The following BFSP1 variants were observed in gnomAD, a reference collection of about 807,000 sequenced individuals.
The protein encoded by BFSP1 is filensin.
BFSP1 carries 38 observed loss-of-function variants against 43.9 expected under a neutral mutation model. The observed-to-expected ratio is 0.87, with a 90% CI of 0.67 to 1.14. BFSP1 has a LOEUF of 1.14. Among genes scored for constraint, BFSP1 ranks in the 50% most tolerant of loss-of-function variants. The probability of loss-of-function intolerance (pLI) is 0.00; values close to 1 mark genes in which losing one functional copy is unlikely to be tolerated. For synonymous variants in BFSP1, 352 were observed against 354.8 expected (o/e 0.99, Z 0.09); for missense variants, 850 against 875.1 (o/e 0.97, Z 0.36).
chr20:17,514,880 G>T, intron 2 of BFSP1, 64 bp from the exon 3 acceptor site: 1 of 1,457,376 alleles, frequency 6.9e-7, no homozygotes, highest in Non-Finnish European at 9.6e-7. Context: ...AAGCTGGCCG[G>T]GTATATGAGC....
chr20:17,542,898 T>C (rs766357456), intron 1 of BFSP1, among the ~76,000 whole-genome samples: 5 of 152,218 alleles, frequency 3.3e-5, no homozygotes, highest in Non-Finnish European at 7.3e-5. Context: ...TAAAATGCCT[T>C]CCAAAATTTT....
chr20:17,537,841 G>C (rs996649385), intron 1 of BFSP1, among the ~76,000 whole-genome samples: 1 of 152,000 alleles, frequency 6.6e-6, no homozygotes, highest in Admixed American at 6.6e-5. Context: ...ACCTTGGCTG[G>C]GTGCTGTGGC....
chr20:17,545,557 C>G (rs1202047844), intron 1 of BFSP1, among the ~76,000 whole-genome samples: 1 of 152,154 alleles, frequency 6.6e-6, no homozygotes, highest in Non-Finnish European at 1.5e-5. Flanking sequence ...CTAAGACAGC[C>G]AGAGTGAAAA....
chr20:17,509,810 T>C (rs943461455), intron 4 of BFSP1, among the ~76,000 whole-genome samples: 1 of 152,182 alleles, frequency 6.6e-6, no homozygotes, highest in African/African-American at 2.4e-5. Flanking sequence ...CTCTCCACAC[T>C]CTGCCAAGCA....
At chr20:17,502,633 G>C (rs983181841) in intron 5 of BFSP1, among the ~76,000 whole-genome samples, 1 of 152,042 alleles carries the variant, frequency 6.6e-6, no homozygotes. Flanking sequence ...TTGGGTGAGG[G>C]GTATATATTG....
At chr20:17,523,888 G>T (rs2034365806) in intron 2 of BFSP1, among the ~76,000 whole-genome samples, 1 of 152,002 alleles carries the variant, frequency 6.6e-6, no homozygotes, top group South Asian at 2.1e-4. Context: ...AAAGTGAAGG[G>T]ATGGCAAACA....
chr20:17,509,132 A>C, intron 4 of BFSP1, 136 bp from the exon 5 acceptor site: 1 of 621,830 alleles, frequency 1.6e-6, no homozygotes. Flanking sequence ...AACTCCCAAG[A>C]TGAAGGTTTT....
At chr20:17,538,869 ATATCAT>A (rs1247248064) in intron 1 of BFSP1, among the ~76,000 whole-genome samples, 1 of 152,242 alleles carries the variant, frequency 6.6e-6, no homozygotes, top group African/African-American at 2.4e-5. Flanking sequence ...TCTCTCTAAG[ATATCAT>A]TAAACAAACC....
chr20:17,554,538 T>C (rs1011743010), intron 1 of BFSP1, among the ~76,000 whole-genome samples: 35 of 152,168 alleles, frequency 2.3e-4, no homozygotes, highest in Non-Finnish European at 7.3e-5. Flanking sequence ...GAACACCTAG[T>C]TAATGAAACT....
intron 7 of BFSP1, among the ~76,000 whole-genome samples, chr20:17,496,337 T>C (rs2033630241): frequency 6.6e-6 from 1 of 152,228 alleles, no homozygotes; most frequent in African/African-American, 2.4e-5. Context: ...TCTCCCCAAA[T>C]GCTGCGCTTG....
upstream of BFSP1, among the ~76,000 whole-genome samples, chr20:17,561,742 G>T (rs2035068833): frequency 6.6e-6 from 1 of 152,098 alleles, no homozygotes. Flanking sequence ...GGAACCGTGG[G>T]ACTGTTCATT....
chr20:17,542,746 A>G (rs2034739307), intron 1 of BFSP1, among the ~76,000 whole-genome samples: 1 of 152,250 alleles, frequency 6.6e-6, no homozygotes, highest in South Asian at 2.1e-4. Flanking sequence ...ATTGTTTAAC[A>G]TGGAACCCTA....
At chr20:17,532,814 T>C (rs756912622), upstream of BFSP1, among the ~76,000 whole-genome samples, 30 of 152,094 alleles carry the variant, frequency 2.0e-4, no homozygotes, top group Non-Finnish European at 1.6e-4. Flanking sequence ...ATCAAAAGGG[T>C]TGTTTTCTTA....
At chr20:17,564,249 C>T (rs1032909282) in intron 1 of BFSP1, among the ~76,000 whole-genome samples, 1 of 151,778 alleles carries the variant, frequency 6.6e-6, no homozygotes, top group Non-Finnish European at 1.5e-5. Context: ...AGCTTGTGGT[C>T]CCAGCTACTC....
chr20:17,529,388 A>C (rs2034486420), intron 1 of BFSP1, among the ~76,000 whole-genome samples: 1 of 152,026 alleles, frequency 6.6e-6, no homozygotes, highest in Non-Finnish European at 1.5e-5. Flanking sequence ...TAGTTAAATA[A>C]TTTTTTTAAA....
intron 2 of BFSP1, among the ~76,000 whole-genome samples, chr20:17,519,506 G>A (rs1197284235): frequency 6.6e-6 from 1 of 152,178 alleles, no homozygotes; most frequent in African/African-American, 2.4e-5. Context: ...CATTGAACTC[G>A]TGAATGGAAG....
intron 4 of BFSP1, among the ~76,000 whole-genome samples, chr20:17,509,811 C>G (rs1053851476): frequency 3.9e-5 from 6 of 152,214 alleles, no homozygotes; most frequent in African/African-American, 1.4e-4. Flanking sequence ...TCTCCACACT[C>G]TGCCAAGCAG....
At chr20:17,540,759 G>T (rs971193681) in intron 1 of BFSP1, among the ~76,000 whole-genome samples, 11 of 152,162 alleles carry the variant, frequency 7.2e-5, no homozygotes, top group Non-Finnish European at 1.6e-4. Flanking sequence ...GCAAATGGGA[G>T]TCACTGTCAG....
rs2033582504 is a variant in BFSP1, at chr20:17,494,595, C to G, written c.1477G>C (p.Gly493Arg). Residue 493 changes from glycine to arginine, a missense_variant, in exon 8 of 8, where the codon GGT becomes CGT. Physicochemically the swap from Gly to Arg is moderately radical, Grantham distance 125 (BLOSUM62 -2). Transcript: ENST00000377873. Reference sequence around the variant, plus strand: ...TCCGCAACAGAAACAGCCACCCCACCTTTAGCTGTGATGGAGGAGACATAG... The same window carrying G: ...TCCGCAACAGAAACAGCCACCCCACGTTTAGCTGTGATGGAGGAGACATAG... ...RFYVSSITAK[G>R]GVAVSVAEDS... 6.2e-7 allele frequency: 1 copy of G among 1,614,220 alleles called. No individual in the cohort carries two copies. The highest frequency in any genetic ancestry group is 2.2e-5 in the East Asian group (1 of 44,892).
Sources: allele counts gnomAD v4.1 joint callset (sites outside exome capture counted in the v4.1 genomes callset), GRCh38; gene constraint gnomAD v4.1.1; transcripts MANE v1.5; gene names NCBI Gene and HGNC (gene_info 2026-07-23, HGNC 2026-07-21).